OPCML: variants seen among roughly 807,000 people sequenced by gnomAD.
OPCML encodes opioid-binding protein/cell adhesion molecule.
OPCML carries 13 observed loss-of-function variants against 37.8 expected under a neutral mutation model. The observed-to-expected ratio is 0.34, with a 90% CI of 0.22 to 0.55. OPCML has a LOEUF of 0.55. OPCML is among the 20% of genes least tolerant of loss of function. The pLI is 0.91. For missense variants in OPCML, 341 were observed against 435.6 expected (o/e 0.78, Z 1.93); for synonymous variants, 176 against 168.8 (o/e 1.04, Z -0.33).
At chr11:132,882,186 T>C (rs1591749919) in intron 2 of OPCML, among the ~76,000 whole-genome samples, 1 of 152,222 alleles carries the variant, frequency 6.6e-6, no homozygotes, top group East Asian at 1.9e-4. Context: ...ACATTTTCTG[T>C]TCTAACAAGT....
chr11:133,531,953 C>T (rs920935697), intron 1 of OPCML, among the ~76,000 whole-genome samples: 2 of 152,298 alleles, frequency 1.3e-5, no homozygotes, highest in East Asian at 3.9e-4. Flanking sequence ...CCCAGGACCA[C>T]AGCTGGTTAA....
chr11:133,179,575 C>T (rs1368474753), intron 1 of OPCML, among the ~76,000 whole-genome samples: 3 of 152,064 alleles, frequency 2.0e-5, no homozygotes, highest in Non-Finnish European at 4.4e-5. Context: ...TAGGTGGCTG[C>T]TAAATACAGG....
intron 1 of OPCML, among the ~76,000 whole-genome samples, chr11:133,221,606 G>T (rs929579164): frequency 2.0e-5 from 3 of 152,216 alleles, no homozygotes; most frequent in African/African-American, 7.2e-5. Context: ...CCTGTGTGAA[G>T]GTGCAAGGCA....
intron 1 of OPCML, among the ~76,000 whole-genome samples, chr11:133,227,074 C>A (rs1266419097): frequency 6.6e-6 from 1 of 152,136 alleles, no homozygotes. Context: ...AGGAGACCGT[C>A]GTGTTAGGGG....
intron 1 of OPCML, among the ~76,000 whole-genome samples, chr11:133,388,240 A>C (rs1236425573): frequency 6.6e-6 from 1 of 152,220 alleles, no homozygotes; most frequent in East Asian, 1.9e-4. Context: ...ATGGCTAAAA[A>C]GAGCTGGGTT....
At chr11:133,348,527 C>T (rs1337312913) in intron 1 of OPCML, among the ~76,000 whole-genome samples, 3 of 152,200 alleles carry the variant, frequency 2.0e-5, no homozygotes, top group African/African-American at 7.2e-5. Context: ...CAGCCCCAGC[C>T]TCCCTCACTG....
intron 1 of OPCML, among the ~76,000 whole-genome samples, chr11:133,435,053 T>C (rs1256834011): frequency 6.6e-6 from 1 of 151,906 alleles, no homozygotes; most frequent in Non-Finnish European, 1.5e-5. Flanking sequence ...TAGCCTAGCA[T>C]AGAGTTTATG....
intron 2 of OPCML, among the ~76,000 whole-genome samples, chr11:132,828,096 T>C (rs1243253397): frequency 1.3e-5 from 2 of 151,990 alleles, no homozygotes; most frequent in Admixed American, 6.6e-5. Context: ...AAAAAGGACA[T>C]GGAGAAAAAA....
chr11:132,557,214 C>A (rs2137471809), intron 3 of OPCML, among the ~76,000 whole-genome samples: 1 of 152,244 alleles, frequency 6.6e-6, no homozygotes, highest in Admixed American at 6.5e-5. Context: ...CAGATTATGT[C>A]CGTGGGAGCC....
intron 1 of OPCML, among the ~76,000 whole-genome samples, chr11:133,001,771 A>G (rs1331966203): frequency 1.3e-5 from 2 of 152,328 alleles, no homozygotes; most frequent in South Asian, 2.1e-4. Context: ...AGATCACTCA[A>G]GTATTGACCC....
chr11:132,895,445 C>T (rs1335217488), intron 2 of OPCML, among the ~76,000 whole-genome samples: 1 of 152,142 alleles, frequency 6.6e-6, no homozygotes, highest in Non-Finnish European at 1.5e-5. Flanking sequence ...CATGTAGCCA[C>T]AGGTCTGGGA....
intron 2 of OPCML, among the ~76,000 whole-genome samples, chr11:132,747,586 C>T (rs1442582662): frequency 3.9e-5 from 6 of 152,162 alleles, no homozygotes; most frequent in East Asian, 1.9e-4. Context: ...GAGACGGCAT[C>T]GTGAAGTGAA....
intron 1 of OPCML, among the ~76,000 whole-genome samples, chr11:133,277,728 T>C (rs1942032970): frequency 6.6e-6 from 1 of 152,124 alleles, no homozygotes; most frequent in African/African-American, 2.4e-5. Context: ...TATGTGTGTG[T>C]ATATATATGT....
intron 1 of OPCML, among the ~76,000 whole-genome samples, chr11:133,325,037 GT>G (rs1301862609): frequency 6.6e-6 from 1 of 152,104 alleles, no homozygotes; most frequent in Admixed American, 6.5e-5. Flanking sequence ...TATATTCTGG[GT>G]TCTCTGGATG....
chr11:133,119,460 C>G (rs1949387709), intron 1 of OPCML, among the ~76,000 whole-genome samples: 1 of 151,956 alleles, frequency 6.6e-6, no homozygotes, highest in African/African-American at 2.4e-5. Context: ...AACCATCTAC[C>G]CACTCCTGGG....
chr11:133,258,198 T>G (rs1243231296), intron 1 of OPCML, among the ~76,000 whole-genome samples: 1 of 152,174 alleles, frequency 6.6e-6, no homozygotes, highest in Non-Finnish European at 1.5e-5. Flanking sequence ...AGCTTGACAT[T>G]GCCTGCATGC....
intron 3 of OPCML, among the ~76,000 whole-genome samples, chr11:132,589,034 T>G (rs117072036): frequency 0.016 from 2,365 of 152,328 alleles, 61 homozygotes; most frequent in South Asian, 0.1. Flanking sequence ...CGATATAGCC[T>G]ATCTTGGTTT....
intron 1 of OPCML, among the ~76,000 whole-genome samples, chr11:133,153,225 C>T (rs534958953): frequency 6.6e-6 from 1 of 152,290 alleles, no homozygotes; most frequent in Admixed American, 6.5e-5. Flanking sequence ...TACCCAGAGG[C>T]GTTCTCGGAA....
chr11:132,469,487 CTGTGTGTGTATGTA>C (rs1347527029), intron 4 of OPCML, among the ~76,000 whole-genome samples: 2 of 138,706 alleles, frequency 1.4e-5, no homozygotes, highest in South Asian at 2.4e-4. Context: ...TGTGTGGTGA[CTGTGTGTGTATGTA>C]TGTGTGTGTA....
Sources: allele counts gnomAD v4.1 joint callset (sites outside exome capture counted in the v4.1 genomes callset), GRCh38; gene constraint gnomAD v4.1.1; transcripts MANE v1.5; gene names NCBI Gene and HGNC (gene_info 2026-07-23, HGNC 2026-07-21).